EVL: variants seen among roughly 807,000 people sequenced by gnomAD.
EVL encodes the protein ena/VASP-like protein.
In EVL, 21 loss-of-function variants were observed where a neutral mutation model predicts 59.6. The ratio of observed to expected loss-of-function variants is 0.35; its 90% confidence interval spans 0.25 to 0.51. EVL has a LOEUF of 0.51. Among genes scored for constraint, EVL ranks in the 20% least tolerant of loss-of-function variants. EVL has a pLI of 0.97. For synonymous variants in EVL, 198 were observed against 203.5 expected (o/e 0.97, Z 0.23); for missense variants, 462 against 546.6 (o/e 0.85, Z 1.54).
intron 1 of EVL, among the ~76,000 whole-genome samples, chr14:100,051,638 A>G (rs1178338698): frequency 1.3e-5 from 2 of 152,194 alleles, no homozygotes; most frequent in Non-Finnish European, 2.9e-5. Flanking sequence ...CAATCTAACA[A>G]TTCCTGTCTC....
At chr14:100,026,119 C>T (rs116246436) in intron 1 of EVL, among the ~76,000 whole-genome samples, 2,024 of 151,800 alleles carry the variant, frequency 0.013, 55 homozygotes, top group African/African-American at 0.047. Flanking sequence ...GGCATGGTGA[C>T]ACATGCCTGT....
chr14:100,079,487 C>T lies in EVL; in HGVS notation c.12-5200C>T, dbSNP rs140708175. Among the ~76,000 whole-genome samples, 124 of 152,258 alleles carry T rather than the reference C, an allele frequency of 8.1e-4. 1 individual carries two copies. The East Asian group carries it at 0.018, about 23-fold the overall frequency. On this transcript the variant is annotated intron_variant, in intron 1 of 13. Transcript: ENST00000392920. Reference sequence around the variant, plus strand: ...GGTGGTGCAGACACCTCAGCAGATTCGGAGAGGCAGGACAAACTGAAAAGC... The same window carrying T: ...GGTGGTGCAGACACCTCAGCAGATTTGGAGAGGCAGGACAAACTGAAAAGC...
chr14:100,056,352 T>C (rs1050274151), intron 1 of EVL, among the ~76,000 whole-genome samples: 1 of 152,076 alleles, frequency 6.6e-6, no homozygotes, highest in East Asian at 1.9e-4. Context: ...TGAGCATACT[T>C]ACTGAGTTCT....
At chr14:100,069,499 C>CA (rs1359823969) in intron 1 of EVL, among the ~76,000 whole-genome samples, 2 of 152,196 alleles carry the variant, frequency 1.3e-5, no homozygotes, top group African/African-American at 4.8e-5. Context: ...TTCCAGTCCT[C>CA]ACGGGCAAGT....
intron 1 of EVL, among the ~76,000 whole-genome samples, chr14:100,079,299 G>A (rs1165630965): frequency 6.6e-6 from 1 of 152,192 alleles, no homozygotes; most frequent in Non-Finnish European, 1.5e-5. Flanking sequence ...TAAATGGAGA[G>A]GATTGTGAGT....
rs1277290441 is a variant in EVL at position 100,072,291 on chromosome 14, C to A, written c.11+6780C>A. 9.9e-5 allele frequency among the ~76,000 whole-genome samples: 15 copies of A among 152,202 alleles called. 1 individual carries two copies. Among genetic ancestry groups the A allele is most frequent in the Admixed American group, 9.8e-4 (15 of 15,274 alleles). On this transcript the variant is annotated intron_variant, in intron 1 of 13. Transcript: ENST00000392920. ...TCAGGCTGGAGTGCATTGGAGCTATCTCCGCTCAGTGCATCCTACACCTCC... is the reference window on the plus strand; with the variant it reads ...TCAGGCTGGAGTGCATTGGAGCTATATCCGCTCAGTGCATCCTACACCTCC...
intron 1 of EVL, among the ~76,000 whole-genome samples, chr14:100,023,809 T>C (rs368004788): frequency 6.6e-6 from 1 of 152,202 alleles, no homozygotes; most frequent in Admixed American, 6.5e-5. Flanking sequence ...TCTACTGAAC[T>C]GAAAGTTTTA....
At chr14:100,136,230 C>T (rs548549240) in intron 9 of EVL, among the ~76,000 whole-genome samples, 17 of 152,342 alleles carry the variant, frequency 1.1e-4, no homozygotes, top group South Asian at 4.1e-4. Context: ...CCCTGAGTCC[C>T]GCACGAGAGA....
intron 1 of EVL, among the ~76,000 whole-genome samples, chr14:99,990,405 G>A (rs1015243366): frequency 2.0e-5 from 3 of 151,980 alleles, no homozygotes; most frequent in South Asian, 2.1e-4. Flanking sequence ...GTTCATTAGC[G>A]TTAAGTATAT....
intron 1 of EVL, among the ~76,000 whole-genome samples, chr14:99,973,994 C>G (rs1024899233): frequency 5.4e-4 from 82 of 152,092 alleles, no homozygotes; most frequent in African/African-American, 1.5e-3. Context: ...TTCTTTCTGC[C>G]TGAAGAATAC....
At chr14:100,107,835 C>T (rs1718251842) in intron 3 of EVL, 1 of 152,178 alleles carries the variant, frequency 6.6e-6, no homozygotes, top group South Asian at 2.1e-4. Context: ...AGGGGTCCAC[C>T]AAGGTATACC....
chr14:100,140,684 C>T (rs112907542), intron 11 of EVL: 1,735 of 153,236 alleles, frequency 0.011, 37 homozygotes, highest in African/African-American at 0.04. Flanking sequence ...CGAGCAGGCT[C>T]CAGCACCAGG....
chr14:100,129,179 G>T (rs1888274027), intron 6 of EVL, among the ~76,000 whole-genome samples: 1 of 152,168 alleles, frequency 6.6e-6, no homozygotes, highest in Non-Finnish European at 1.5e-5. Context: ...TTGCTCATAT[G>T]TTCTAGAACT....
chr14:100,074,281 C>T (rs1165479853), intron 1 of EVL, among the ~76,000 whole-genome samples: 2 of 152,336 alleles, frequency 1.3e-5, no homozygotes, highest in South Asian at 2.1e-4. Context: ...AATGACAGCT[C>T]TCCATGTGGA....
chr14:100,021,681 G>A (rs772317854), intron 1 of EVL, among the ~76,000 whole-genome samples: 18 of 152,184 alleles, frequency 1.2e-4, no homozygotes, highest in Non-Finnish European at 2.2e-4. Context: ...GATCTGGGGC[G>A]AGGCCTAAGA....
intron 1 of EVL, among the ~76,000 whole-genome samples, chr14:100,008,575 G>A (rs962208260): frequency 6.6e-6 from 1 of 152,106 alleles, no homozygotes; most frequent in African/African-American, 2.4e-5. Flanking sequence ...TTTTTCTTCT[G>A]TATTCAGTAT....
chr14:100,128,828 G>A (rs1037080885), intron 6 of EVL, 80 bp downstream of exon 6: 25 of 1,260,896 alleles, frequency 2.0e-5, no homozygotes, highest in South Asian at 7.7e-5. Context: ...GTTCCTTCCC[G>A]CATCTGCGAG....
chr14:100,102,873 G>A lies in EVL; in HGVS notation c.358+5215G>A, dbSNP rs189766025. On this transcript the variant is annotated intron_variant, in intron 3 of 13. Coordinates refer to ENST00000392920, the MANE Select transcript of EVL (RefSeq NM_016337.3). ...ACCACTTTGTGAGGCTGAGGCGGGC[G>A]GATCACAAGGTCAAGAGATCAAGAC... 4.0e-4 allele frequency among the ~76,000 whole-genome samples: 61 copies of A among 152,184 alleles called. No individual in the cohort carries two copies. The East Asian group carries it at 0.011, about 27-fold the overall frequency.
At chr14:100,141,604 A>G in intron 12 of EVL, 132 bp from the exon 13 acceptor site, 1 of 787,836 alleles carries the variant, frequency 1.3e-6, no homozygotes, top group Non-Finnish European at 2.0e-6. Context: ...GGGGGCCACG[A>G]GGAGACAAGG....
Sources: allele counts gnomAD v4.1 joint callset (sites outside exome capture counted in the v4.1 genomes callset), GRCh38; gene constraint gnomAD v4.1.1; transcripts MANE v1.5; gene names NCBI Gene and HGNC (gene_info 2026-07-23, HGNC 2026-07-21).